The following SH3GL1 variants were observed in gnomAD, a reference collection of about 807,000 sequenced individuals.
SH3GL1 encodes endophilin-A2.
SH3GL1 carries 21 observed loss-of-function variants against 48.8 expected under a neutral mutation model. The ratio of observed to expected loss-of-function variants is 0.43; its 90% confidence interval spans 0.30 to 0.62. SH3GL1 has a LOEUF of 0.62. SH3GL1 is among the 20% of genes least tolerant of loss of function. The probability of loss-of-function intolerance (pLI) is 0.11; values close to 1 mark genes in which losing one functional copy is unlikely to be tolerated. For synonymous variants in SH3GL1, 282 were observed against 217.5 expected, an observed-to-expected ratio of 1.30 and a Z score of -2.61; for missense variants, 454 against 503.0, an observed-to-expected ratio of 0.90 and a Z score of 0.93.
intron 1 of SH3GL1, among the ~76,000 whole-genome samples, chr19:4,385,770 A>G (rs1426194388): frequency 6.6e-6 from 1 of 152,214 alleles, no homozygotes; most frequent in African/African-American, 2.4e-5. Flanking sequence ...GGATTCTGCA[A>G]GTATGAAATA....
chr19:4,392,638 C>T (rs909523171), intron 1 of SH3GL1, among the ~76,000 whole-genome samples: 2 of 151,728 alleles, frequency 1.3e-5, no homozygotes, highest in African/African-American at 4.8e-5. Flanking sequence ...AGTGGCCCCA[C>T]AAAGTGAGGT....
chr19:4,361,034 T>G lies in SH3GL1; in HGVS notation c.*566A>C, dbSNP rs931662360. 4 of 234,810 alleles carry G rather than the reference T, an allele frequency of 1.7e-5. No homozygotes were observed. The highest frequency in any genetic ancestry group is 8.8e-5 in the African/African-American group (4 of 45,322). 14.5% of individuals were successfully genotyped at this position (234,810 alleles called of 1,614,324 possible). On this transcript the variant is annotated 3_prime_UTR_variant, in exon 10 of 10. Transcript: ENST00000269886. ...CGGGAGGCGGTGAGGCCCTCTGCCC[T>G]GGCCTTGAGGAGAAGGAGTGCGTGT... is the stretch of plus-strand genomic sequence containing the variant.
At chr19:4,394,849 C>G (rs1037395470) in intron 1 of SH3GL1, among the ~76,000 whole-genome samples, 1 of 152,190 alleles carries the variant, frequency 6.6e-6, no homozygotes, top group Non-Finnish European at 1.5e-5. Context: ...TCCTTTGCAG[C>G]GGGGGGAAGC....
chr19:4,383,762 G>A (rs183400698), intron 1 of SH3GL1, among the ~76,000 whole-genome samples: 2 of 152,256 alleles, frequency 1.3e-5, no homozygotes, highest in East Asian at 1.9e-4. Flanking sequence ...GAAACATGGC[G>A]CTAAAAGCCT....
rs554629891 is a variant in SH3GL1, at chr19:4,381,744, G to A, written c.46-14750C>T. 3.5e-4 allele frequency among the ~76,000 whole-genome samples: 45 copies of A among 126,850 alleles called. 2 individuals are homozygous for A. The South Asian group carries it at 9.9e-3, about 28-fold the overall frequency. 83.2% of individuals were successfully genotyped at this position (126,850 alleles called of 152,430 possible). ...AGTCTCGCTCTGTTGCCTAGCTGGA[G>A]TGCAGTGGCGCGATCTTGGCTCACT... is the stretch of plus-strand genomic sequence containing the variant. On this transcript the variant is annotated intron_variant, in intron 1 of 9. Transcript: ENST00000269886.
intron 1 of SH3GL1, among the ~76,000 whole-genome samples, chr19:4,379,146 G>A (rs1013639739): frequency 7.2e-5 from 11 of 152,168 alleles, no homozygotes; most frequent in African/African-American, 2.4e-4. Flanking sequence ...ACTGGCGGAC[G>A]AGGGCGGGAG....
chr19:4,361,297 C>T lies in SH3GL1; in HGVS notation c.*303G>A. The stretch of plus-strand genomic sequence containing the variant: ...GTTTCTAAGAGCACCTTAGTGTTGC[C>T]CCGCCTCGGCCAGCTGGGCGAGAAG... On this transcript the variant is annotated 3_prime_UTR_variant, in exon 10 of 10. Coordinates refer to ENST00000269886, the MANE Select transcript of SH3GL1 (RefSeq NM_003025.4). 1 of 475,896 alleles carries T rather than the reference C, an allele frequency of 2.1e-6. No individual in the cohort carries two copies. 29.5% of individuals were successfully genotyped at this position (475,896 alleles called of 1,614,324 possible).
Position 4,367,039 on chromosome 19 carries a change from G to A in SH3GL1, c.46-45C>T. ...AAACGCTGTGAGCCCAGGGGTAGGA[G>A]GAAGAAGAGGACAGGAGGCCCTGAG... On this transcript the variant is annotated intron_variant, in intron 1 of 9. Coordinates refer to ENST00000269886, the MANE Select transcript of SH3GL1 (RefSeq NM_003025.4). This position sits in a 1 kb window ranked among gnomAD's most constrained non-coding sequence, Gnocchi z 4.2. 1.3e-6 allele frequency: 2 copies of A among 1,577,210 alleles called. No individual in the cohort carries two copies. The highest frequency in any genetic ancestry group is 8.7e-7 in the Non-Finnish European group (1 of 1,146,550).
At chr19:4,399,319 CA>C (rs58263818) in intron 1 of SH3GL1, among the ~76,000 whole-genome samples, 13 of 49,622 alleles carry the variant, frequency 2.6e-4, no homozygotes, top group Admixed American at 6.6e-4. Flanking sequence ...GACTCCCTCT[CA>C]AAAAAAAAAA....
At chr19:4,384,053 G>C (rs1207649119) in intron 1 of SH3GL1, among the ~76,000 whole-genome samples, 1 of 152,232 alleles carries the variant, frequency 6.6e-6, no homozygotes. Flanking sequence ...CAGGGAGCAC[G>C]TGAGTCCTGG....
rs1229116633 is a variant in SH3GL1, at chr19:4,367,172, G to A, written c.46-178C>T. ...ACCCCAGGGCCACACGCTGCCTGCA[G>A]AGCAGGGTGGGCCTGCAGGGGGAGG... On this transcript the variant is annotated intron_variant, in intron 1 of 9. Transcript: ENST00000269886. The surrounding 1 kb of genome is among the most constrained non-coding windows in gnomAD (Gnocchi z 4.2). 1.3e-5 allele frequency among the ~76,000 whole-genome samples: 2 copies of A among 151,934 alleles called. No individual in the cohort carries two copies. The highest frequency in any genetic ancestry group is 2.9e-5 in the Non-Finnish European group (2 of 67,950).
At chr19:4,390,462 GAA>G (rs1973316227) in intron 1 of SH3GL1, 1 of 152,536 alleles carries the variant, frequency 6.6e-6, no homozygotes, top group Admixed American at 6.6e-5. Context: ...GAGGGCAAAA[GAA>G]GGGAGAGACA....
chr19:4,399,319 CAAAA>C (rs58263818), intron 1 of SH3GL1, among the ~76,000 whole-genome samples: 19 of 49,626 alleles, frequency 3.8e-4, no homozygotes, highest in Non-Finnish European at 4.5e-4. Flanking sequence ...GACTCCCTCT[CAAAA>C]AAAAAAAAAA....
chr19:4,372,738 G>A (rs556929959), intron 1 of SH3GL1, among the ~76,000 whole-genome samples: 2 of 152,286 alleles, frequency 1.3e-5, no homozygotes, highest in African/African-American at 4.8e-5. Flanking sequence ...AGTCGAAGAC[G>A]CGCACAGCCT....
intron 1 of SH3GL1, among the ~76,000 whole-genome samples, chr19:4,371,498 G>A (rs540635042): frequency 5.9e-5 from 9 of 152,248 alleles, no homozygotes; most frequent in African/African-American, 1.2e-4. Flanking sequence ...ACAAATGCCC[G>A]TCTCGGGCTT....
At position 4,362,310 on chromosome 19, in the gene SH3GL1, C is replaced by A. The variant is rs369815163; in HGVS notation, c.910+19G>T. The A allele has an allele frequency of 3.1e-6, 5 of 1,608,134 alleles. No homozygotes were observed. The Admixed American group carries it at 5.1e-5, about 16-fold the overall frequency. Reference sequence around the variant, plus strand: ...CGAGAAGGCAGCACTGAGGTCGAGGCGGGCCTGGGAACACTCACGCATGCT... The same window carrying A: ...CGAGAAGGCAGCACTGAGGTCGAGGAGGGCCTGGGAACACTCACGCATGCT... On this transcript the variant is annotated intron_variant, in intron 9 of 9. Coordinates refer to ENST00000269886, the MANE Select transcript of SH3GL1 (RefSeq NM_003025.4).
rs1047060589 is a variant in SH3GL1 at position 4,388,018 on chromosome 19, G to A, written c.45+12306C>T. The stretch of plus-strand genomic sequence containing the variant: ...GGGATTACAGCCATGCGCCACCCAC[G>A]CCCAGCTAATTTTTGTATTTTTAGT... On this transcript the variant is annotated intron_variant, in intron 1 of 9. Coordinates refer to ENST00000269886, the MANE Select transcript of SH3GL1 (RefSeq NM_003025.4). 4.0e-4 allele frequency among the ~76,000 whole-genome samples: 60 copies of A among 151,814 alleles called. 1 individual carries two copies. Among genetic ancestry groups the A allele is most frequent in the African/African-American group, 1.7e-4 (7 of 41,298 alleles).
chr19:4,364,383 C>T, intron 4 of SH3GL1, 162 bp from the exon 5 acceptor site: 1 of 817,322 alleles, frequency 1.2e-6, no homozygotes, highest in Non-Finnish European at 1.9e-6. Context: ...CATGCTGGCA[C>T]CTCAGCCTCC....
At chr19:4,380,254 T>A (rs1451881106) in intron 1 of SH3GL1, 1 of 152,308 alleles carries the variant, frequency 6.6e-6, no homozygotes, top group Non-Finnish European at 1.5e-5. Flanking sequence ...GAGGTCCAAG[T>A]CAGGCTGAAT....
Sources: allele counts gnomAD v4.1 joint callset (sites outside exome capture counted in the v4.1 genomes callset), GRCh38; gene constraint gnomAD v4.1.1; non-coding constraint Gnocchi (gnomAD v3.1); transcripts MANE v1.5; gene names NCBI Gene and HGNC (gene_info 2026-07-23, HGNC 2026-07-21).